The following TAFA1 variants were observed in gnomAD, a reference collection of about 807,000 sequenced individuals.
TAFA1 encodes the protein TAFA chemokine like family member 1, also known as chemokine-like protein TAFA-1.
In TAFA1, 4 loss-of-function variants were observed where a neutral mutation model predicts 18.5. That is an observed-to-expected ratio of 0.22 (90% CI 0.11 to 0.49). The LOEUF (loss-of-function observed/expected upper bound fraction) is 0.49, where lower values mean the gene tolerates loss of function less well. Among genes scored for constraint, TAFA1 ranks in the 20% least tolerant of loss-of-function variants. TAFA1 has a pLI of 0.98. For missense variants in TAFA1, 147 were observed against 169.0 expected, an observed-to-expected ratio of 0.87 and a Z score of 0.72; for synonymous variants, 56 against 55.2, an observed-to-expected ratio of 1.01 and a Z score of -0.06.
At chr3:68,321,185 T>A (rs754282911) in intron 2 of TAFA1, among the ~76,000 whole-genome samples, 13 of 152,198 alleles carry the variant, frequency 8.5e-5, no homozygotes, top group Non-Finnish European at 1.5e-4. Flanking sequence ...ATGAGGTGGA[T>A]GTAGTCTAAT....
chr3:68,424,148 A>G (rs1360126925), intron 3 of TAFA1, among the ~76,000 whole-genome samples: 1 of 152,094 alleles, frequency 6.6e-6, no homozygotes, highest in Non-Finnish European at 1.5e-5. Context: ...AACAAAACTT[A>G]CAACGTAACA....
At chr3:68,438,429 G>A (rs565876051) in intron 3 of TAFA1, among the ~76,000 whole-genome samples, 1 of 152,240 alleles carries the variant, frequency 6.6e-6, no homozygotes, top group Non-Finnish European at 1.5e-5. Context: ...CACCAGTTGT[G>A]GTTGGGCCCC....
intron 2 of TAFA1, among the ~76,000 whole-genome samples, chr3:68,262,307 G>A (rs1328691198): frequency 3.1e-5 from 1 of 32,254 alleles, no homozygotes; most frequent in Non-Finnish European, 6.9e-5. Context: ...GATATGGAGG[G>A]TATATATATA....
chr3:68,521,053 G>T (rs545714967), intron 3 of TAFA1, among the ~76,000 whole-genome samples: 1 of 152,164 alleles, frequency 6.6e-6, no homozygotes, highest in Non-Finnish European at 1.5e-5. Flanking sequence ...AAGTAAGGAG[G>T]TATTGGTTTT....
chr3:68,016,443 A>G (rs1704571918), intron 2 of TAFA1, among the ~76,000 whole-genome samples: 1 of 152,206 alleles, frequency 6.6e-6, no homozygotes, highest in African/African-American at 2.4e-5. Flanking sequence ...GGTTTGTTGT[A>G]TAGATTATTT....
intron 3 of TAFA1, among the ~76,000 whole-genome samples, chr3:68,504,234 C>A (rs1203319467): frequency 6.6e-6 from 1 of 152,120 alleles, no homozygotes; most frequent in Non-Finnish European, 1.5e-5. Context: ...AAACCTAGTC[C>A]CTCTTGCCCA....
intron 2 of TAFA1, among the ~76,000 whole-genome samples, chr3:68,287,912 G>GGC (rs1553668396): frequency 8.5e-6 from 1 of 117,340 alleles, no homozygotes. Context: ...TTTGTTGGGG[G>GGC]GTGGGGGGGC....
intron 2 of TAFA1, among the ~76,000 whole-genome samples, chr3:68,337,518 T>G (rs139502742): frequency 2.4e-4 from 36 of 152,276 alleles, no homozygotes; most frequent in African/African-American, 7.9e-4. Context: ...TGCTTTGGTA[T>G]ACAAAACTGC....
At chr3:68,267,171 T>C (rs1037829371) in intron 2 of TAFA1, among the ~76,000 whole-genome samples, 1 of 152,178 alleles carries the variant, frequency 6.6e-6, no homozygotes, top group Non-Finnish European at 1.5e-5. Context: ...ACTTGTTGTG[T>C]TAATTAGCCT....
At chr3:68,270,128 A>G (rs918725970) in intron 2 of TAFA1, among the ~76,000 whole-genome samples, 1 of 152,146 alleles carries the variant, frequency 6.6e-6, no homozygotes, top group African/African-American at 2.4e-5. Context: ...TTTTGACGGA[A>G]GTAGATTTCA....
rs3037452 is a variant in TAFA1, at chr3:68,532,880, A to AAATAAT, written c.260-5849_260-5844dup. ...TTAGAGAATGTAGCTTTGTAAAGCA[A>AAATAAT]AATAATAATAATAATAATAATAATA... On this transcript the variant is annotated intron_variant, in intron 3 of 4. Coordinates refer to ENST00000478136, the MANE Select transcript of TAFA1 (RefSeq NM_213609.4). Among the ~76,000 whole-genome samples, 919 of 146,436 alleles carry AAATAAT rather than the reference A, an allele frequency of 6.3e-3. 7 individuals are homozygous for AAATAAT. Among genetic ancestry groups the AAATAAT allele is most frequent in the African/African-American group, 0.016 (640 of 40,132 alleles).
intron 2 of TAFA1, among the ~76,000 whole-genome samples, chr3:68,027,965 G>A (rs1056582913): frequency 1.3e-4 from 20 of 152,256 alleles, no homozygotes; most frequent in African/African-American, 4.8e-4. Context: ...TAACCTAAGA[G>A]ATGGAAATCC....
chr3:68,454,908 G>A (rs950949283), intron 3 of TAFA1, among the ~76,000 whole-genome samples: 1 of 151,710 alleles, frequency 6.6e-6, no homozygotes, highest in East Asian at 1.9e-4. Context: ...ATCAACACAG[G>A]GTTAGGAGCA....
intron 2 of TAFA1, among the ~76,000 whole-genome samples, chr3:68,341,765 G>A (rs1191179722): frequency 6.6e-6 from 1 of 152,166 alleles, no homozygotes; most frequent in Non-Finnish European, 1.5e-5. Context: ...AATTTCCTGA[G>A]TTATAATTTT....
chr3:68,246,601 A>AAAAAAAAAAAAAAAAAT (rs2067084765), intron 2 of TAFA1, among the ~76,000 whole-genome samples: 1 of 88,654 alleles, frequency 1.1e-5, no homozygotes, highest in African/African-American at 4.7e-5. Flanking sequence ...AAAAAAAAAA[A>AAAAAAAAAAAAAAAAAT]AAAAAAAAAA....
At chr3:68,381,889 A>G (rs2069966952) in intron 2 of TAFA1, among the ~76,000 whole-genome samples, 1 of 152,172 alleles carries the variant, frequency 6.6e-6, no homozygotes, top group Admixed American at 6.6e-5. Context: ...CCCATTCAGT[A>G]TGATATTGGC....
At chr3:68,416,006 T>A (rs966886131) in intron 2 of TAFA1, among the ~76,000 whole-genome samples, 2 of 152,186 alleles carry the variant, frequency 1.3e-5, no homozygotes, top group African/African-American at 4.8e-5. Context: ...TGGGAGGCCA[T>A]CCTGGGCATT....
At chr3:68,048,519 T>C (rs1371549304) in intron 2 of TAFA1, among the ~76,000 whole-genome samples, 3 of 152,150 alleles carry the variant, frequency 2.0e-5, no homozygotes, top group African/African-American at 7.2e-5. Flanking sequence ...GTTGTTATTC[T>C]GTTGTACTAT....
chr3:68,486,397 A>T (rs563728170), intron 3 of TAFA1, among the ~76,000 whole-genome samples: 14 of 152,232 alleles, frequency 9.2e-5, no homozygotes, highest in African/African-American at 3.4e-4. Flanking sequence ...TCACAAATTC[A>T]GGCCGTCTAC....
Sources: allele counts gnomAD v4.1 joint callset (sites outside exome capture counted in the v4.1 genomes callset), GRCh38; gene constraint gnomAD v4.1.1; transcripts MANE v1.5; gene names NCBI Gene and HGNC (gene_info 2026-07-23, HGNC 2026-07-21).